The following PARD3B variants were observed in gnomAD, a reference collection of about 807,000 sequenced individuals.
PARD3B encodes the protein partitioning defective 3 homolog B.
In PARD3B, 103 loss-of-function variants were observed where a neutral mutation model predicts 130.2. That is an observed-to-expected ratio of 0.79 (90% CI 0.67 to 0.93). PARD3B has a LOEUF of 0.93. PARD3B is among the 40% of genes least tolerant of loss of function. The pLI, the probability that PARD3B is intolerant of heterozygous loss-of-function variation, is 0.00. For synonymous variants in PARD3B, 583 were observed against 553.2 expected (o/e 1.05, Z -0.76); for missense variants, 1,609 against 1,499.2 (o/e 1.07, Z -1.21).
chr2:204,599,159 A>G (rs2033412161), intron 1 of PARD3B, among the ~76,000 whole-genome samples: 1 of 151,956 alleles, frequency 6.6e-6, no homozygotes, highest in African/African-American at 2.4e-5. Flanking sequence ...TAGTATATTC[A>G]TCATCTTAAA....
At chr2:204,977,540 T>C (rs1449015455) in intron 3 of PARD3B, among the ~76,000 whole-genome samples, 1 of 151,842 alleles carries the variant, frequency 6.6e-6, no homozygotes, top group Non-Finnish European at 1.5e-5. Context: ...CCGGGCGCGG[T>C]GGCTCACGCC....
At position 205,544,511 on chromosome 2, in the gene PARD3B, A is replaced by T. The variant is rs143223830; in HGVS notation, c.3181-8813A>T. ...GATGAAGCCAAATTTGTAAAATTGT[A>T]TCCACAATCATAGTTTCTATGGTAA... On this transcript the variant is annotated intron_variant, in intron 21 of 22. Transcript: ENST00000406610. 1.8e-3 allele frequency among the ~76,000 whole-genome samples: 281 copies of T among 152,258 alleles called. 1 individual carries two copies. The highest frequency in any genetic ancestry group is 3.0e-3 in the Non-Finnish European group (205 of 68,018).
chr2:205,515,372 G>A (rs2050752521), intron 21 of PARD3B, among the ~76,000 whole-genome samples: 2 of 152,254 alleles, frequency 1.3e-5, no homozygotes, highest in African/African-American at 4.8e-5. Flanking sequence ...TAATGAGATT[G>A]TTGTTTGAAA....
intron 2 of PARD3B, among the ~76,000 whole-genome samples, chr2:204,710,958 A>G (rs1200864246): frequency 6.6e-6 from 1 of 152,184 alleles, no homozygotes; most frequent in Non-Finnish European, 1.5e-5. Flanking sequence ...TTGATGATGA[A>G]GAAGGTGAGT....
chr2:205,350,137 A>G (rs773777506), intron 18 of PARD3B, among the ~76,000 whole-genome samples: 4 of 152,176 alleles, frequency 2.6e-5, no homozygotes, highest in Non-Finnish European at 5.9e-5. Context: ...AGCAGCTTAT[A>G]AAGATTGGGG....
chr2:205,539,447 G>A (rs1478142246), intron 21 of PARD3B, among the ~76,000 whole-genome samples: 2 of 152,064 alleles, frequency 1.3e-5, no homozygotes, highest in African/African-American at 4.8e-5. Context: ...TAACCTTTTA[G>A]GTATCATCCT....
intron 10 of PARD3B, among the ~76,000 whole-genome samples, chr2:205,132,620 C>T (rs761853142): frequency 2.6e-5 from 4 of 152,072 alleles, no homozygotes; most frequent in African/African-American, 4.8e-5. Flanking sequence ...AGCATGCGCC[C>T]GAATCACACA....
chr2:204,605,278 C>CT (rs1302184756), intron 1 of PARD3B, among the ~76,000 whole-genome samples: 2 of 152,152 alleles, frequency 1.3e-5, no homozygotes, highest in Non-Finnish European at 2.9e-5. Flanking sequence ...TCACAGCCAT[C>CT]TTTAAACTCT....
intron 2 of PARD3B, among the ~76,000 whole-genome samples, chr2:204,924,505 G>T (rs752674147): frequency 7.9e-5 from 12 of 151,956 alleles, no homozygotes; most frequent in Admixed American, 1.3e-4. Flanking sequence ...AATATATGAA[G>T]ATATCAATTA....
Position 204,830,077 on chromosome 2 carries a change from G to A in PARD3B, c.223-135075G>A, listed in dbSNP as rs541344888. Among the ~76,000 whole-genome samples, 4 of 150,738 alleles carry A rather than the reference G, an allele frequency of 2.7e-5. No individual in the cohort carries two copies. The South Asian group carries it at 6.3e-4, about 24-fold the overall frequency. ...CTCTCTCCTGCCACCATGTGAAGAA[G>A]TGCTTCCTTCCTCTTTGCCTTTCTA... On this transcript the variant is annotated intron_variant, in intron 2 of 22. Transcript: ENST00000406610.
intron 2 of PARD3B, among the ~76,000 whole-genome samples, chr2:204,736,809 G>A (rs1013173294): frequency 2.0e-4 from 31 of 152,192 alleles, no homozygotes; most frequent in African/African-American, 4.1e-4. Flanking sequence ...TAGGATTGCC[G>A]GATTAAATGG....
At chr2:205,459,231 A>T (rs73055933) in intron 20 of PARD3B, among the ~76,000 whole-genome samples, 8,629 of 152,178 alleles carry the variant, frequency 0.057, 754 homozygotes, top group African/African-American at 0.19. Context: ...TACCTTTTAG[A>T]ATCAGTCTTG....
chr2:205,441,059 A>G (rs535990517), intron 20 of PARD3B, among the ~76,000 whole-genome samples: 1 of 152,230 alleles, frequency 6.6e-6, no homozygotes. Flanking sequence ...AGAGAAGATG[A>G]TAGCTTCCAA....
rs146715440 is a variant in PARD3B at position 205,542,449 on chromosome 2, A to T, written c.3181-10875A>T. On this transcript the variant is annotated intron_variant, in intron 21 of 22. Coordinates refer to ENST00000406610, the MANE Select transcript of PARD3B (RefSeq NM_001302769.2). ...AACCAGGTTTTGACATAAGAACATC[A>T]GTTTTCAGAAGGTTATCCCTTCAGT... is the stretch of plus-strand genomic sequence containing the variant. Among the ~76,000 whole-genome samples the T allele has an allele frequency of 6.6e-5, 10 of 151,766 alleles. No individual in the cohort carries two copies. In the East Asian group the frequency reaches 1.9e-3, roughly 29 times the overall value.
rs150498605 is a variant in PARD3B at position 204,857,180 on chromosome 2, T to C, written c.223-107972T>C. 1.3e-4 allele frequency among the ~76,000 whole-genome samples: 20 copies of C among 152,320 alleles called. No individual in the cohort carries two copies. The East Asian group carries it at 3.5e-3, about 26-fold the overall frequency. ...CTGCATATCAATCCCCTGGTGAACT[T>C]TGAGCATCTTTTTTCAACTTTCTTC... On this transcript the variant is annotated intron_variant, in intron 2 of 22. Coordinates refer to ENST00000406610, the MANE Select transcript of PARD3B (RefSeq NM_001302769.2).
rs2047917148 is a variant in PARD3B at position 205,446,653 on chromosome 2, A to G, written c.3044+5981A>G. Among the ~76,000 whole-genome samples the G allele has an allele frequency of 6.6e-6, 1 of 152,130 alleles. No homozygotes were observed. Among genetic ancestry groups the G allele is most frequent in the Admixed American group, 6.5e-5 (1 of 15,276 alleles). On this transcript the variant is annotated intron_variant, in intron 20 of 22. Transcript: ENST00000406610. This position sits in a 1 kb window ranked among gnomAD's most constrained non-coding sequence, Gnocchi z 4.4. ...CATCTTAGAAAAAAAAAATTGCCTT[A>G]TAAAAGATTCATCTATAAATGACAG...
chr2:205,517,512 A>G (rs2050841914), intron 21 of PARD3B, among the ~76,000 whole-genome samples: 1 of 151,524 alleles, frequency 6.6e-6, no homozygotes. Context: ...TATCTTACTA[A>G]TTTTTTTCAA....
rs115004731 is a variant in PARD3B, at chr2:204,651,858, C to T, written c.121-34323C>T. ...CTCTGCACACCCACAGGCCAAACAC[C>T]ATGTGGAAGCTGTTAAGGCTTGGGG... is the stretch of plus-strand genomic sequence containing the variant. On this transcript the variant is annotated intron_variant, in intron 1 of 22. Coordinates refer to ENST00000406610, the MANE Select transcript of PARD3B (RefSeq NM_001302769.2). Among the ~76,000 whole-genome samples, 1,211 of 152,328 alleles carry T rather than the reference C, an allele frequency of 7.9e-3. 17 individuals carry two copies. Among genetic ancestry groups the T allele is most frequent in the African/African-American group, 0.028 (1,150 of 41,576 alleles).
rs890863720 is a variant in PARD3B, at chr2:205,407,951, G to A, written c.2741+6828G>A. Among the ~76,000 whole-genome samples, 7 of 152,012 alleles carry A rather than the reference G, an allele frequency of 4.6e-5. No individual in the cohort carries two copies. The highest frequency in any genetic ancestry group is 1.7e-4 in the African/African-American group (7 of 41,396). ...GTAGATCTTACTAGAATCTTAGCAG[G>A]ATACATGAGGAGATGGGAGAAAAAA... On this transcript the variant is annotated intron_variant, in intron 19 of 22. Coordinates refer to ENST00000406610, the MANE Select transcript of PARD3B (RefSeq NM_001302769.2). This position sits in a 1 kb window ranked among gnomAD's most constrained non-coding sequence, Gnocchi z 4.1.
Sources: gnomAD v4.1 joint callset for allele counts (sites outside exome capture counted in the v4.1 genomes callset) on GRCh38, gnomAD v4.1.1 for gene constraint, Gnocchi (gnomAD v3.1) non-coding constraint, MANE v1.5 for transcripts, NCBI Gene and HGNC (gene_info 2026-07-23, HGNC 2026-07-21) for gene names.